The following HINT3 variants were observed in gnomAD, a reference collection of about 807,000 sequenced individuals.
The protein encoded by HINT3 is histidine triad nucleotide binding protein 3, also known as adenosine 5'-monophosphoramidase HINT3.
In HINT3, 16 loss-of-function variants were observed where a neutral mutation model predicts 19.1. The observed-to-expected ratio is 0.84, with a 90% confidence interval of 0.57 to 1.27. The LOEUF is 1.27. HINT3 is among the 50% of genes most tolerant of loss of function. HINT3 has a pLI of 0.00. For synonymous variants in HINT3, 75 were observed against 84.8 expected, an observed-to-expected ratio of 0.88 and a Z score of 0.63; for missense variants, 197 against 225.8, an observed-to-expected ratio of 0.87 and a Z score of 0.82.
intron 1 of HINT3, among the ~76,000 whole-genome samples, chr6:125,962,213 C>CATATATATATATATATACACACAT (rs1788942398): frequency 2.8e-5 from 1 of 36,320 alleles, no homozygotes; most frequent in Non-Finnish European, 4.0e-5. Context: ...TATATATACA[C>CATATATATATATATATACACACAT]ATATATATAT....
At chr6:125,976,902 T>C (rs1347956716) in intron 4 of HINT3, among the ~76,000 whole-genome samples, 1 of 152,168 alleles carries the variant, frequency 6.6e-6, no homozygotes, top group Non-Finnish European at 1.5e-5. Flanking sequence ...TTTTAAAAAA[T>C]AGACTTTATT....
intron 3 of HINT3, among the ~76,000 whole-genome samples, chr6:125,973,277 C>T (rs1319970658): frequency 6.6e-6 from 1 of 151,758 alleles, no homozygotes; most frequent in Non-Finnish European, 1.5e-5. Context: ...CAGGGTTTTG[C>T]TATGTTGGCC....
intron 3 of HINT3, among the ~76,000 whole-genome samples, chr6:125,973,374 G>A (rs1372606982): frequency 1.3e-5 from 2 of 151,886 alleles, no homozygotes; most frequent in African/African-American, 2.4e-5. Flanking sequence ...CCACTGCGCC[G>A]GGCCTTTTCA....
intron 1 of HINT3, among the ~76,000 whole-genome samples, chr6:125,962,924 GA>G (rs897149261): frequency 5.2e-4 from 78 of 150,678 alleles, no homozygotes; most frequent in African/African-American, 1.7e-3. Context: ...GGGATTAGAA[GA>G]AAAAAAAGTC....
At chr6:125,960,381 G>C (rs942995658) in intron 1 of HINT3, among the ~76,000 whole-genome samples, 1 of 152,154 alleles carries the variant, frequency 6.6e-6, no homozygotes. Flanking sequence ...TTATGGAGCC[G>C]GGCGCAGTGG....
At chr6:125,972,235 TG>T (rs1259835951) in intron 2 of HINT3, 23 bp from the exon 3 acceptor site, 3 of 1,485,340 alleles carry the variant, frequency 2.0e-6, no homozygotes, top group Non-Finnish European at 2.8e-6. Flanking sequence ...TCTAGTGTAA[TG>T]TTGTGTCTTT....
chr6:125,977,609 T>C, intron 4 of HINT3, 35 bp from the exon 5 acceptor site: 1 of 1,111,478 alleles, frequency 9.0e-7, no homozygotes, highest in Non-Finnish European at 1.3e-6. Flanking sequence ...GAGACTATGA[T>C]ATCTAGAATT....
At chr6:125,972,784 C>G (rs1277851188) in intron 3 of HINT3, among the ~76,000 whole-genome samples, 1 of 152,056 alleles carries the variant, frequency 6.6e-6, no homozygotes, top group African/African-American at 2.4e-5. Flanking sequence ...GAGACAGGGT[C>G]TCCCTATGTT....
Position 125,960,667 on chromosome 6 carries a change from A to AGGG in HINT3, c.201+3489_201+3490insGGG, listed in dbSNP as rs1562211515. Among the ~76,000 whole-genome samples, 12 of 39,782 alleles carry AGGG rather than the reference A, an allele frequency of 3.0e-4. 1 individual carries two copies. Among genetic ancestry groups the AGGG allele is most frequent in the African/African-American group, 5.2e-4 (11 of 21,002 alleles). 26.1% of individuals were successfully genotyped at this position (39,782 alleles called of 152,430 possible). A position where few individuals can be genotyped will look rare whatever the true frequency, so the allele number is the denominator to read the frequency against. Reference sequence around the variant, plus strand: ...GCAAGACTCTCTCTGGGGGGGGGGAAAAAAAAAGAAGTTAGGGCAAGCAAG... The same window carrying AGGG: ...GCAAGACTCTCTCTGGGGGGGGGGAAGGGAAAAAAAGAAGTTAGGGCAAGCAAG... On this transcript the variant is annotated intron_variant, in intron 1 of 4. Transcript: ENST00000229633.
Position 125,979,381 on chromosome 6 carries a change from A to C in HINT3, c.*1705A>C, listed in dbSNP as rs905432602. 2 of 152,236 alleles carry C rather than the reference A, an allele frequency of 1.3e-5. No individual in the cohort carries two copies. The highest frequency in any genetic ancestry group is 2.9e-5 in the Non-Finnish European group (2 of 68,034). 9.4% of individuals were successfully genotyped at this position (152,236 alleles called of 1,614,324 possible). A position where few individuals can be genotyped will look rare whatever the true frequency, so the allele number is the denominator to read the frequency against. The stretch of plus-strand genomic sequence containing the variant: ...AGAATATGACTAGCTTCAGGGAAGG[A>C]ATTTTCAACAACTGCAATCTTTGAT... On this transcript the variant is annotated 3_prime_UTR_variant, in exon 5 of 5. Transcript: ENST00000229633.
chr6:125,965,831 G>A (rs1789009862), intron 1 of HINT3, among the ~76,000 whole-genome samples: 1 of 151,998 alleles, frequency 6.6e-6, no homozygotes, highest in African/African-American at 2.4e-5. Flanking sequence ...AACATTCCAT[G>A]GATATCAATT....
chr6:125,973,981 C>T (rs1213478282), intron 3 of HINT3, among the ~76,000 whole-genome samples: 1 of 152,124 alleles, frequency 6.6e-6, no homozygotes, highest in African/African-American at 2.4e-5. Flanking sequence ...ACCTAGTCTC[C>T]TCTTCTAGGT....
intron 2 of HINT3, among the ~76,000 whole-genome samples, chr6:125,971,233 T>C (rs1373888480): frequency 6.6e-6 from 1 of 152,208 alleles, no homozygotes; most frequent in Non-Finnish European, 1.5e-5. Context: ...ATACAAATTT[T>C]TGGCTAGTCA....
chr6:125,967,011 T>C lies in HINT3; in HGVS notation c.319+7T>C, dbSNP rs753610538. ...AAAGATCAAGTAGAACTGGGTAAGATGATGGCAGTATTCTTCATGTTTATA... is the reference window on the plus strand; with the variant it reads ...AAAGATCAAGTAGAACTGGGTAAGACGATGGCAGTATTCTTCATGTTTATA... On this transcript the variant is annotated splice_region_variant and intron_variant, in intron 2 of 4. Coordinates refer to ENST00000229633, the MANE Select transcript of HINT3 (RefSeq NM_138571.5). 3.4e-6 allele frequency: 5 copies of C among 1,488,350 alleles called. No homozygotes were observed. Among genetic ancestry groups the C allele is most frequent in the Non-Finnish European group, 2.8e-6 (3 of 1,069,462 alleles). The allele number at this position is 1,488,350 out of a possible 1,614,324, so 92.2% of individuals were successfully genotyped here.
intron 3 of HINT3, among the ~76,000 whole-genome samples, chr6:125,973,988 AG>A (rs1395349578): frequency 6.6e-6 from 1 of 152,178 alleles, no homozygotes; most frequent in Non-Finnish European, 1.5e-5. Context: ...CTCCTCTTCT[AG>A]GTGGTGGTGG....
At chr6:125,957,380 T>G (rs1396511620) in intron 1 of HINT3, among the ~76,000 whole-genome samples, 1 of 152,222 alleles carries the variant, frequency 6.6e-6, no homozygotes, top group Non-Finnish European at 1.5e-5. Flanking sequence ...GTCCGGGTGC[T>G]GATGACAGAC....
rs753572344 is a variant in HINT3 at position 125,978,678 on chromosome 6, T to G, written c.*1002T>G. On this transcript the variant is annotated 3_prime_UTR_variant, in exon 5 of 5. Coordinates refer to ENST00000229633, the MANE Select transcript of HINT3 (RefSeq NM_138571.5). The stretch of plus-strand genomic sequence containing the variant: ...CCTACATTGTGCCAGTGTATATTAG[T>G]ACCATGTAAATGAATATGAATAAAT... 1 of 152,204 alleles carries G rather than the reference T, an allele frequency of 6.6e-6. No homozygotes were observed. Among genetic ancestry groups the G allele is most frequent in the Admixed American group, 6.5e-5 (1 of 15,286 alleles). 9.4% of individuals were successfully genotyped at this position (152,204 alleles called of 1,614,324 possible).
chr6:125,976,027 A>G (rs1789174046), intron 4 of HINT3, among the ~76,000 whole-genome samples: 1 of 152,160 alleles, frequency 6.6e-6, no homozygotes, highest in Non-Finnish European at 1.5e-5. Context: ...CCACTAATTT[A>G]CCAGGGTGTT....
Position 125,977,793 on chromosome 6 carries a change from T to C in HINT3, c.*117T>C. ...TTGGGTTTTATGAGAGGCTGTTACT[T>C]AGTGGCCTTAAATCTTTTCTGAATG... On this transcript the variant is annotated 3_prime_UTR_variant, in exon 5 of 5. Coordinates refer to ENST00000229633, the MANE Select transcript of HINT3 (RefSeq NM_138571.5). The C allele has an allele frequency of 1.8e-6, 1 of 563,690 alleles. No individual in the cohort carries two copies. Among genetic ancestry groups the C allele is most frequent in the Non-Finnish European group, 3.2e-6 (1 of 313,356 alleles). 34.9% of individuals were successfully genotyped at this position (563,690 alleles called of 1,614,324 possible). A position where few individuals can be genotyped will look rare whatever the true frequency, so the allele number is the denominator to read the frequency against.
Sources: allele counts gnomAD v4.1 joint callset (sites outside exome capture counted in the v4.1 genomes callset), GRCh38; gene constraint gnomAD v4.1.1; transcripts MANE v1.5; gene names NCBI Gene and HGNC (gene_info 2026-07-23, HGNC 2026-07-21).